UNC5A: variants seen among roughly 807,000 people sequenced by gnomAD.
UNC5A encodes the protein unc-5 netrin receptor A, also known as netrin receptor UNC5A.
UNC5A carries 20 observed loss-of-function variants against 87.4 expected under a neutral mutation model. That is an observed-to-expected ratio of 0.23 (90% CI 0.16 to 0.33). The LOEUF is 0.33. UNC5A is among the 10% of genes least tolerant of loss of function. The pLI is 1.00. For synonymous variants in UNC5A, 438 were observed against 482.3 expected (o/e 0.91, Z 1.20); for missense variants, 844 against 1,133.4 (o/e 0.74, Z 3.67).
intron 1 of UNC5A, among the ~76,000 whole-genome samples, chr5:176,853,699 G>A (rs377472156): frequency 6.6e-6 from 1 of 152,180 alleles, no homozygotes; most frequent in Non-Finnish European, 1.5e-5. Flanking sequence ...CTCCACATCC[G>A]GCACGCTCCT....
At chr5:176,858,774 G>GGAAGGAAGGAAGGAGGGAAGGAAA (rs771880438) in intron 1 of UNC5A, among the ~76,000 whole-genome samples, 1 of 58,922 alleles carries the variant, frequency 1.7e-5, no homozygotes, top group Admixed American at 2.1e-4. Flanking sequence ...AAGGAAGGAA[G>GGAAGGAAGGAAGGAGGGAAGGAAA]GCAAGCAAGC....
chr5:176,851,772 C>T (rs1757548592), intron 1 of UNC5A, among the ~76,000 whole-genome samples: 1 of 152,182 alleles, frequency 6.6e-6, no homozygotes, highest in African/African-American at 2.4e-5. Flanking sequence ...TCCTGACTTT[C>T]CAGCTGGCCT....
At chr5:176,832,391 A>G (rs909365164) in intron 1 of UNC5A, among the ~76,000 whole-genome samples, 1 of 152,222 alleles carries the variant, frequency 6.6e-6, no homozygotes, top group Non-Finnish European at 1.5e-5. Context: ...AGCAAAGTCC[A>G]CGCCTGATCC....
At position 176,813,850 on chromosome 5, in the gene UNC5A, G is replaced by A. The variant is rs545811922; in HGVS notation, c.70+3030G>A. Among the ~76,000 whole-genome samples the A allele has an allele frequency of 1.8e-3, 269 of 152,310 alleles. 1 individual carries two copies. The highest frequency in any genetic ancestry group is 6.3e-3 in the African/African-American group (260 of 41,564). The stretch of plus-strand genomic sequence containing the variant: ...GTGGGGCTCCCCTGCTCTAGTGCTG[G>A]GCCTAGCTGCCACTTGGGAATCTGT... On this transcript the variant is annotated intron_variant, in intron 1 of 14. Transcript: ENST00000329542.
chr5:176,823,661 C>T (rs895144608), intron 1 of UNC5A, among the ~76,000 whole-genome samples: 5 of 151,118 alleles, frequency 3.3e-5, no homozygotes, highest in East Asian at 2.0e-4. Flanking sequence ...GGTCTGGGCA[C>T]GATGAGAGCC....
chr5:176,818,996 C>T (rs1401878184), intron 1 of UNC5A, among the ~76,000 whole-genome samples: 1 of 152,232 alleles, frequency 6.6e-6, no homozygotes, highest in African/African-American at 2.4e-5. Flanking sequence ...CTGTTCAAAA[C>T]CACTTTCTTA....
At chr5:176,815,559 A>G (rs1030156641) in intron 1 of UNC5A, among the ~76,000 whole-genome samples, 2 of 152,186 alleles carry the variant, frequency 1.3e-5, no homozygotes, top group Non-Finnish European at 2.9e-5. Flanking sequence ...TAACAGATTG[A>G]TGGGCAATGT....
intron 1 of UNC5A, among the ~76,000 whole-genome samples, chr5:176,811,619 G>T (rs566962934): frequency 6.6e-6 from 1 of 152,164 alleles, no homozygotes; most frequent in Non-Finnish European, 1.5e-5. Flanking sequence ...GGCTTGGGGG[G>T]AGGAAGTTCC....
rs1758282431 is a variant in UNC5A at position 176,877,187 on chromosome 5, T to C, written c.1379-5T>C. On this transcript the variant is annotated splice_region_variant and splice_polypyrimidine_tract_variant and intron_variant, in intron 8 of 14. Transcript: ENST00000329542. ...TAAGCCCTGGCCCTCTTCCTGCCGT[T>C]CCAGGAATCAGCCTCCTCATCCCCC... The C allele has an allele frequency of 6.2e-7, 1 of 1,608,882 alleles. No individual in the cohort carries two copies. The highest frequency in any genetic ancestry group is 8.5e-7 in the Non-Finnish European group (1 of 1,176,350).
intron 2 of UNC5A, among the ~76,000 whole-genome samples, chr5:176,863,443 G>T (rs1195085656): frequency 6.6e-6 from 1 of 152,148 alleles, no homozygotes; most frequent in Non-Finnish European, 1.5e-5. Context: ...ATGTGATTCA[G>T]GGGCCAGAGT....
At chr5:176,853,801 G>A (rs4976654) in intron 1 of UNC5A, among the ~76,000 whole-genome samples, 16 of 152,084 alleles carry the variant, frequency 1.1e-4, no homozygotes, top group Admixed American at 9.2e-4. Context: ...TGTCCCTGCC[G>A]TCCAGGGAGT....
At position 176,874,620 on chromosome 5, in the gene UNC5A, C is replaced by T. The variant is rs532831449; in HGVS notation, c.1378+54C>T. 211 of 1,480,046 alleles carry T rather than the reference C, an allele frequency of 1.4e-4. 3 individuals carry two copies. The South Asian group carries it at 1.6e-3, about 12-fold the overall frequency. 91.7% of individuals were successfully genotyped at this position (1,480,046 alleles called of 1,614,324 possible). ...GCTCCACTTCCCTCCTGGAGGAGGA[C>T]GGGACAGCCGGACGTTCCTCTCGTG... On this transcript the variant is annotated intron_variant, in intron 8 of 14. Transcript: ENST00000329542. The surrounding 1 kb of genome is among the most constrained non-coding windows in gnomAD (Gnocchi z 7.6).
intron 1 of UNC5A, among the ~76,000 whole-genome samples, chr5:176,858,131 T>G (rs1268770343): frequency 6.6e-6 from 1 of 152,220 alleles, no homozygotes; most frequent in Admixed American, 6.5e-5. Flanking sequence ...TAAGCAGCCT[T>G]GTGCTGCACG....
At chr5:176,843,443 T>C (rs532065745) in intron 1 of UNC5A, among the ~76,000 whole-genome samples, 1 of 150,918 alleles carries the variant, frequency 6.6e-6, no homozygotes, top group South Asian at 2.1e-4. Context: ...CAGAAGGGGG[T>C]TGGGAGGGGG....
chr5:176,834,665 T>TTCTCTCTCTCTCTCTC (rs369472376), intron 1 of UNC5A, among the ~76,000 whole-genome samples: 1,125 of 101,280 alleles, frequency 0.011, 40 homozygotes, highest in Non-Finnish European at 0.013. Context: ...ACGTCCCGTC[T>TTCTCTCTCTCTCTCTC]TCTCTCTCTC....
chr5:176,868,524 G>A, intron 3 of UNC5A, 37 bp from the exon 4 acceptor site: 1 of 1,563,164 alleles, frequency 6.4e-7, no homozygotes, highest in South Asian at 1.2e-5. Context: ...CCTGTGCGAG[G>A]CCCTCAGACA....
chr5:176,833,409 G>A (rs1171337756), intron 1 of UNC5A, among the ~76,000 whole-genome samples: 3 of 152,166 alleles, frequency 2.0e-5, no homozygotes, highest in South Asian at 4.1e-4. Context: ...TTTCTCTTCC[G>A]GCATTAATTC....
intron 1 of UNC5A, among the ~76,000 whole-genome samples, chr5:176,851,872 A>T (rs1458803529): frequency 6.6e-6 from 1 of 152,114 alleles, no homozygotes; most frequent in East Asian, 1.9e-4. Flanking sequence ...GGAAATGGGG[A>T]GGGTGCCCCC....
chr5:176,833,066 C>G (rs576284501), intron 1 of UNC5A, among the ~76,000 whole-genome samples: 43 of 152,360 alleles, frequency 2.8e-4, no homozygotes, highest in African/African-American at 9.6e-4. Context: ...ATGCAGGTAG[C>G]TGGCCAAGGT....
Sources: gnomAD v4.1 joint callset for allele counts (sites outside exome capture counted in the v4.1 genomes callset) on GRCh38, gnomAD v4.1.1 for gene constraint, Gnocchi (gnomAD v3.1) non-coding constraint, MANE v1.5 for transcripts, NCBI Gene and HGNC (gene_info 2026-07-23, HGNC 2026-07-21) for gene names.